PRKCI: variants seen among roughly 807,000 people sequenced by gnomAD.
The protein encoded by PRKCI is protein kinase C iota type.
Under a neutral mutation model 84.0 loss-of-function variants are expected in PRKCI, and 43 were observed. The ratio of observed to expected loss-of-function variants is 0.51; its 90% CI spans 0.40 to 0.66. The LOEUF is 0.66. Among genes scored for constraint, PRKCI ranks in the 30% least tolerant of loss-of-function variants. PRKCI has a pLI of 0.00. For synonymous variants in PRKCI, 216 were observed against 234.4 expected (o/e 0.92, Z 0.72); for missense variants, 459 against 745.6 (o/e 0.62, Z 4.48).
chr3:170,285,044 G>T (rs1252683284), intron 12 of PRKCI, among the ~76,000 whole-genome samples: 1 of 149,768 alleles, frequency 6.7e-6, no homozygotes, highest in African/African-American at 2.5e-5. Context: ...GATAAAACAA[G>T]AATTTCAGTT....
chr3:170,270,817 A>G (rs1428211952), intron 6 of PRKCI, among the ~76,000 whole-genome samples: 1 of 152,008 alleles, frequency 6.6e-6, no homozygotes, highest in Non-Finnish European at 1.5e-5. Context: ...TAAATTAGGA[A>G]GCTATAGAGA....
At chr3:170,232,656 T>C (rs951446595) in intron 1 of PRKCI, among the ~76,000 whole-genome samples, 4 of 151,984 alleles carry the variant, frequency 2.6e-5, no homozygotes, top group African/African-American at 9.7e-5. Context: ...AGCCTTGAAC[T>C]CCTGGGCTCA....
chr3:170,293,674 A>G (rs1309177457), intron 14 of PRKCI, among the ~76,000 whole-genome samples, 166 bp downstream of exon 14: 1 of 152,100 alleles, frequency 6.6e-6, no homozygotes, highest in East Asian at 1.9e-4. Flanking sequence ...TGTTTTTGAG[A>G]CAAGGTCTCA....
At chr3:170,282,965 C>T (rs1462517508) in intron 11 of PRKCI, among the ~76,000 whole-genome samples, 1 of 151,788 alleles carries the variant, frequency 6.6e-6, no homozygotes, top group East Asian at 1.9e-4. Flanking sequence ...ATTAGCCGGG[C>T]GTGGTGGCGG....
At chr3:170,247,875 T>C (rs1447617152) in intron 2 of PRKCI, among the ~76,000 whole-genome samples, 1 of 151,512 alleles carries the variant, frequency 6.6e-6, no homozygotes, top group South Asian at 2.1e-4. Context: ...TTGGGCCTGA[T>C]AGTGAAAGGA....
In PRKCI at chr3:170,280,352, T is replaced by C; in HGVS notation, c.831T>C (p.Asp277=). The C allele has an allele frequency of 6.2e-7, 1 of 1,613,940 alleles. No individual in the cohort carries two copies. The highest frequency in any genetic ancestry group is 8.5e-7 in the Non-Finnish European group (1 of 1,179,946). The part of the protein sequence containing the change: ...KVLLVRLKKT[D]RIYAMKVVKK... ...TGTTGGTTCGATTAAAAAAAACAGA[T>C]CGTATTTATGCAATGAAAGTTGTGA... The change falls in exon 9 of 18, where the codon GAT becomes GAC. Residue 277 remains aspartate, a synonymous_variant. Transcript: ENST00000295797.
intron 2 of PRKCI, among the ~76,000 whole-genome samples, chr3:170,255,192 C>G (rs1733555032): frequency 1.3e-5 from 2 of 151,368 alleles, no homozygotes; most frequent in South Asian, 4.2e-4. Context: ...TCCCGAGTAG[C>G]TGGGATTACA....
At chr3:170,282,136 C>T (rs528448831) in intron 11 of PRKCI, among the ~76,000 whole-genome samples, 168 bp downstream of exon 11, 26 of 152,086 alleles carry the variant, frequency 1.7e-4, no homozygotes, top group Non-Finnish European at 3.5e-4. Context: ...ATATGTAAAA[C>T]AATTATATAT....
chr3:170,281,896 T>C lies in PRKCI; in HGVS notation c.995T>C (p.Ile332Thr), dbSNP rs1232048013. 2 of 1,608,612 alleles carry C rather than the reference T, an allele frequency of 1.2e-6. No individual in the cohort carries two copies. Among genetic ancestry groups the C allele is most frequent in the Non-Finnish European group, 1.7e-6 (2 of 1,177,570 alleles). ...CTGTGTTTTAGATTGTTCTTTGTTA[T>C]AGAGTATGTAAATGGAGGAGACCTA... Reference protein sequence around the residue: ...FQTESRLFFVIEYVNGGDLMF... With the variant: ...FQTESRLFFVTEYVNGGDLMF... Residue 332 changes from isoleucine to threonine, a missense_variant, in exon 11 of 18, where the codon ATA becomes ACA. Physicochemically the swap from Ile to Thr is moderately conservative, Grantham distance 89. Around this residue, in one of 2 missense-constraint regions of PRKCI, gnomAD observed 209 missense variants for 425.9 expected, o/e 0.49. Coordinates refer to ENST00000295797, the MANE Select transcript of PRKCI (RefSeq NM_002740.6).
At chr3:170,283,577 A>G (rs1167835172) in intron 11 of PRKCI, among the ~76,000 whole-genome samples, 1 of 152,206 alleles carries the variant, frequency 6.6e-6, no homozygotes, top group Admixed American at 6.6e-5. Context: ...GTCACCCTTC[A>G]TAGAGCCACA....
intron 2 of PRKCI, among the ~76,000 whole-genome samples, chr3:170,257,297 A>G (rs1221144574): frequency 6.6e-6 from 1 of 152,194 alleles, no homozygotes; most frequent in Non-Finnish European, 1.5e-5. Context: ...GGACTGCAAG[A>G]GAGATCACCT....
intron 14 of PRKCI, 127 bp from the exon 15 acceptor site, chr3:170,295,784 G>T: frequency 2.3e-6 from 1 of 432,104 alleles, no homozygotes; most frequent in East Asian, 3.7e-5. Context: ...GGTCAAAGCT[G>T]CAGTGAGCTG....
At chr3:170,264,831 G>A (rs369158344) in intron 4 of PRKCI, among the ~76,000 whole-genome samples, 1 of 152,052 alleles carries the variant, frequency 6.6e-6, no homozygotes, top group South Asian at 2.1e-4. Flanking sequence ...ATTTTAAAAT[G>A]GACTCTCAAA....
At chr3:170,295,717 C>T (rs1330921905) in intron 14 of PRKCI, among the ~76,000 whole-genome samples, 194 bp from the exon 15 acceptor site, 3 of 150,738 alleles carry the variant, frequency 2.0e-5, no homozygotes, top group Admixed American at 6.6e-5. Context: ...GTGATGGTGG[C>T]GCCTGTGGTC....
At chr3:170,239,342 AT>A (rs1733060484) in intron 2 of PRKCI, among the ~76,000 whole-genome samples, 1 of 152,214 alleles carries the variant, frequency 6.6e-6, no homozygotes, top group South Asian at 2.1e-4. Context: ...CAGCCAGAAA[AT>A]GAGACTATAT....
At chr3:170,296,076 T>C (rs1734680772) in intron 15 of PRKCI, 86 bp downstream of exon 15, 6 of 741,688 alleles carry the variant, frequency 8.1e-6, no homozygotes, top group Non-Finnish European at 1.2e-5. Flanking sequence ...AAATGTAAAA[T>C]TCCAAAACAG....
At chr3:170,245,957 T>TGTTTGTTTGTTTGTTTTTTG (rs200509231) in intron 2 of PRKCI, among the ~76,000 whole-genome samples, 1 of 141,398 alleles carries the variant, frequency 7.1e-6, no homozygotes, top group Non-Finnish European at 1.6e-5. Flanking sequence ...TTGTTTTTTT[T>TGTTTGTTTGTTTGTTTTTTG]TTTTTTTTTT....
chr3:170,289,347 ATGTTTATAGCAG>A (rs1734478867), intron 12 of PRKCI, among the ~76,000 whole-genome samples: 1 of 152,222 alleles, frequency 6.6e-6, no homozygotes, highest in South Asian at 2.1e-4. Flanking sequence ...TTTCTTCTAG[ATGTTTATAGCAG>A]TGTTATATAT....
rs775092762 is a variant in PRKCI at position 170,297,286 on chromosome 3, A to T, written c.1498-18A>T. ...GCATGACATTCACCCAATTCTTGAA[A>T]CATTTCTTTCACCATAGGACCCTAA... On this transcript the variant is annotated intron_variant, in intron 15 of 17. Transcript: ENST00000295797. 6.3e-7 allele frequency: 1 copy of T among 1,592,136 alleles called. No homozygotes were observed. The highest frequency in any genetic ancestry group is 1.1e-5 in the South Asian group (1 of 90,416).
Sources: gnomAD v4.1 joint callset for allele counts (sites outside exome capture counted in the v4.1 genomes callset) on GRCh38, gnomAD v4.1.1 for gene constraint, gnomAD v4.1.1 regional missense constraint, MANE v1.5 for transcripts, NCBI Gene and HGNC (gene_info 2026-07-23, HGNC 2026-07-21) for gene names.